GRID2: variants seen among roughly 807,000 people sequenced by gnomAD.
The protein encoded by GRID2 is glutamate receptor ionotropic, delta-2.
GRID2 carries 33 observed loss-of-function variants against 114.8 expected under a neutral mutation model. That is an observed-to-expected ratio of 0.29 (90% CI 0.22 to 0.38). The LOEUF is 0.38. Ranked by LOEUF, GRID2 falls within the 10% of genes least tolerant of loss-of-function variation. The pLI is 1.00. For missense variants in GRID2, 1,184 were observed against 1,257.7 expected, an observed-to-expected ratio of 0.94 and a Z score of 0.89; for synonymous variants, 505 against 449.9, an observed-to-expected ratio of 1.12 and a Z score of -1.55.
chr4:93,328,024 C>T (rs540514973), intron 8 of GRID2, among the ~76,000 whole-genome samples: 10 of 152,018 alleles, frequency 6.6e-5, no homozygotes, highest in South Asian at 4.1e-4. Context: ...TCCTTTAAAA[C>T]GTGTCCTGGC....
intron 2 of GRID2, among the ~76,000 whole-genome samples, chr4:92,858,563 TTTTC>T (rs1744322205): frequency 6.6e-6 from 1 of 152,176 alleles, no homozygotes; most frequent in African/African-American, 2.4e-5. Context: ...TGTTTGTTTT[TTTTC>T]TTTCTTTTGA....
intron 1 of GRID2, among the ~76,000 whole-genome samples, chr4:92,445,241 T>C (rs1200784916): frequency 6.6e-6 from 1 of 152,190 alleles, no homozygotes; most frequent in African/African-American, 2.4e-5. Flanking sequence ...ATGGGTAATT[T>C]GAGTCCCAGA....
chr4:92,850,592 T>C (rs1162756154), intron 2 of GRID2, among the ~76,000 whole-genome samples: 3 of 151,956 alleles, frequency 2.0e-5, no homozygotes, highest in Non-Finnish European at 4.4e-5. Context: ...GTTTATTTCT[T>C]ACCCATATAT....
At chr4:92,557,350 A>G (rs1272769843) in intron 1 of GRID2, among the ~76,000 whole-genome samples, 1 of 151,492 alleles carries the variant, frequency 6.6e-6, no homozygotes, top group African/African-American at 2.4e-5. Flanking sequence ...TAATGATTTG[A>G]TATTTTATTC....
At position 93,666,739 on chromosome 4, in the gene GRID2, T is replaced by A. The variant is rs543895741; in HGVS notation, c.2360+40304T>A. ...GAAGTCTCTGGATCTTACATGAATA[T>A]GAAAATGAAAAAATAAGACTAAGTA... is the stretch of plus-strand genomic sequence containing the variant. On this transcript the variant is annotated intron_variant, in intron 14 of 15. Transcript: ENST00000282020. 2.0e-5 allele frequency among the ~76,000 whole-genome samples: 3 copies of A among 152,130 alleles called. No individual in the cohort carries two copies. In the South Asian group the frequency reaches 6.2e-4, roughly 31 times the overall value.
chr4:93,440,741 A>C (rs572492310), intron 10 of GRID2, among the ~76,000 whole-genome samples: 1 of 152,244 alleles, frequency 6.6e-6, no homozygotes, highest in African/African-American at 2.4e-5. Flanking sequence ...AATTATGTAG[A>C]TGCAAATGAC....
At chr4:92,494,433 T>C (rs910752834) in intron 1 of GRID2, among the ~76,000 whole-genome samples, 1 of 152,060 alleles carries the variant, frequency 6.6e-6, no homozygotes, top group Non-Finnish European at 1.5e-5. Flanking sequence ...TTACATTATA[T>C]AGACACAGAA....
chr4:93,524,097 A>G (rs1467926177), intron 13 of GRID2, among the ~76,000 whole-genome samples: 1 of 152,114 alleles, frequency 6.6e-6, no homozygotes, highest in Admixed American at 6.6e-5. Flanking sequence ...ACTTGCTAAT[A>G]TATTAACTAG....
At chr4:92,928,271 A>T (rs527558526) in intron 2 of GRID2, among the ~76,000 whole-genome samples, 2 of 151,756 alleles carry the variant, frequency 1.3e-5, no homozygotes, top group Non-Finnish European at 3.0e-5. Flanking sequence ...TTTACAGAGT[A>T]AAAAGTAGAG....
intron 3 of GRID2, among the ~76,000 whole-genome samples, chr4:93,091,727 C>T (rs1032649408): frequency 6.6e-5 from 10 of 152,160 alleles, no homozygotes; most frequent in Middle Eastern, 6.8e-3. Flanking sequence ...GATTGTGTCC[C>T]CCACTTTGGC....
chr4:93,220,425 C>T (rs1349911923), intron 6 of GRID2, among the ~76,000 whole-genome samples: 1 of 152,100 alleles, frequency 6.6e-6, no homozygotes, highest in Non-Finnish European at 1.5e-5. Context: ...ATAGTGAACA[C>T]TCTGGCCTCA....
intron 14 of GRID2, among the ~76,000 whole-genome samples, chr4:93,659,908 T>C (rs2149735457): frequency 6.6e-6 from 1 of 152,328 alleles, no homozygotes; most frequent in African/African-American, 2.4e-5. Context: ...CCTCTTTTCA[T>C]AATGGAATCT....
At chr4:93,630,356 G>C (rs1181579531) in intron 14 of GRID2, among the ~76,000 whole-genome samples, 1 of 152,124 alleles carries the variant, frequency 6.6e-6, no homozygotes, top group Non-Finnish European at 1.5e-5. Flanking sequence ...AGGCATTCAA[G>C]AATGAAGAAA....
At chr4:93,195,892 A>C (rs1741438125) in intron 4 of GRID2, among the ~76,000 whole-genome samples, 1 of 152,212 alleles carries the variant, frequency 6.6e-6, no homozygotes, top group South Asian at 2.1e-4. Context: ...TCACTAAAAT[A>C]TAGCAGATGA....
At chr4:92,349,889 A>C (rs952443949) in intron 1 of GRID2, among the ~76,000 whole-genome samples, 16 of 151,886 alleles carry the variant, frequency 1.1e-4, no homozygotes, top group African/African-American at 3.9e-4. Flanking sequence ...AAGGTAAATA[A>C]ATGGAATTTT....
chr4:92,508,167 T>G (rs1350934793), intron 1 of GRID2, among the ~76,000 whole-genome samples: 1 of 151,976 alleles, frequency 6.6e-6, no homozygotes, highest in Non-Finnish European at 1.5e-5. Flanking sequence ...TTTGAAAAAG[T>G]GTCTGGTACA....
chr4:92,918,065 A>G (rs1030527076), intron 2 of GRID2, among the ~76,000 whole-genome samples: 14 of 152,144 alleles, frequency 9.2e-5, no homozygotes, highest in African/African-American at 3.4e-4. Context: ...GAGGTCCTTC[A>G]CATCCCTTGT....
rs371459253 is a variant in GRID2 at position 93,491,097 on chromosome 4, GA to G, written c.1997+328del. On this transcript the variant is annotated intron_variant, in intron 12 of 15. Coordinates refer to ENST00000282020, the MANE Select transcript of GRID2 (RefSeq NM_001510.4). ...ATCTGACTAACACTGTGAAAAGGAA[GA>G]AAAAAAAGAGTCATACTTAAAAGGA... Among the ~76,000 whole-genome samples the G allele has an allele frequency of 1.7e-3, 264 of 151,284 alleles. 1 individual carries two copies. The highest frequency in any genetic ancestry group is 5.8e-3 in the African/African-American group (241 of 41,324).
At chr4:92,674,184 A>G (rs1280429252) in intron 2 of GRID2, among the ~76,000 whole-genome samples, 1 of 152,126 alleles carries the variant, frequency 6.6e-6, no homozygotes, top group Non-Finnish European at 1.5e-5. Context: ...AAATTAAGTA[A>G]AAACAAAAAT....
Sources: gnomAD v4.1 joint callset for allele counts (sites outside exome capture counted in the v4.1 genomes callset) on GRCh38, gnomAD v4.1.1 for gene constraint, MANE v1.5 for transcripts, NCBI Gene and HGNC (gene_info 2026-07-23, HGNC 2026-07-21) for gene names.